The following SPIRE1 variants were observed in gnomAD, a reference collection of about 807,000 sequenced individuals.
SPIRE1 encodes the protein spire type actin nucleation factor 1.
SPIRE1 carries 40 observed loss-of-function variants against 94.1 expected under a neutral mutation model. That is an observed-to-expected ratio of 0.43 (90% confidence interval 0.33 to 0.55). The LOEUF (loss-of-function observed/expected upper bound fraction) is 0.55, where lower values mean the gene tolerates loss of function less well. Among genes scored for constraint, SPIRE1 ranks in the 20% least tolerant of loss-of-function variants. The probability of loss-of-function intolerance (pLI) is 0.06; values close to 1 mark genes in which losing one functional copy is unlikely to be tolerated. For missense variants in SPIRE1, 838 were observed against 975.2 expected, an observed-to-expected ratio of 0.86 and a Z score of 1.87; for synonymous variants, 376 against 371.7, an observed-to-expected ratio of 1.01 and a Z score of -0.13.
intron 2 of SPIRE1, among the ~76,000 whole-genome samples, chr18:12,555,258 A>G (rs2035469251): frequency 6.6e-6 from 1 of 152,066 alleles, no homozygotes; most frequent in African/African-American, 2.4e-5. Flanking sequence ...ACCTAAACAG[A>G]ATCCCTGGCA....
At chr18:12,658,109 GCGCCC>G (rs575232552), upstream of SPIRE1, 606 of 915,548 alleles carry the variant, frequency 6.6e-4, no homozygotes, top group Admixed American at 4.1e-3. Context: ...ATGGCGTCCG[GCGCCC>G]CGCCCCGCCC....
intron 2 of SPIRE1, among the ~76,000 whole-genome samples, chr18:12,590,258 T>G (rs867696772): frequency 6.6e-6 from 1 of 152,146 alleles, no homozygotes; most frequent in African/African-American, 2.4e-5. Context: ...TGGCTCATTT[T>G]TTTGTATTTT....
chr18:12,624,745 T>C (rs868496981), intron 2 of SPIRE1, among the ~76,000 whole-genome samples: 6 of 150,346 alleles, frequency 4.0e-5, no homozygotes, highest in Admixed American at 2.0e-4. Flanking sequence ...TGAGACAGAA[T>C]TGCTTGAACC....
At chr18:12,610,061 T>C (rs1484857393) in intron 2 of SPIRE1, among the ~76,000 whole-genome samples, 4 of 147,310 alleles carry the variant, frequency 2.7e-5, no homozygotes, top group African/African-American at 1.0e-4. Flanking sequence ...TCCCCACCCC[T>C]CCCTCCTCTT....
At chr18:12,475,091 G>A (rs1185542518) in intron 10 of SPIRE1, among the ~76,000 whole-genome samples, 1 of 152,168 alleles carries the variant, frequency 6.6e-6, no homozygotes, top group East Asian at 1.9e-4. Flanking sequence ...AGAGGTTTGA[G>A]TAAGACTGCA....
In SPIRE1 at chr18:12,559,499, C is replaced by T. The variant is rs1304368396; in HGVS notation, c.373-12595G>A. Among the ~76,000 whole-genome samples, 12 of 152,198 alleles carry T rather than the reference C, an allele frequency of 7.9e-5. No individual in the cohort carries two copies. The highest frequency in any genetic ancestry group is 1.7e-4 in the African/African-American group (7 of 41,456). On this transcript the variant is annotated intron_variant, in intron 2 of 16. Coordinates refer to ENST00000409402, the MANE Select transcript of SPIRE1 (RefSeq NM_001128626.2). This position sits in a 1 kb window ranked among gnomAD's most constrained non-coding sequence, Gnocchi z 4.7. ...ACACCTCCCTGCAAGCAGAGGGAGC[C>T]GGCTCCGGCTTTGGCCAGCCCAGAG...
At chr18:12,495,035 G>T in intron 7 of SPIRE1, among the ~76,000 whole-genome samples, 2 of 134,372 alleles carry the variant, frequency 1.5e-5, no homozygotes, top group Admixed American at 7.7e-5. Flanking sequence ...GGGCGACAAA[G>T]TGAGACTCTG....
intron 4 of SPIRE1, among the ~76,000 whole-genome samples, chr18:12,525,332 T>C (rs982127890): frequency 2.0e-5 from 3 of 148,722 alleles, no homozygotes; most frequent in African/African-American, 7.4e-5. Context: ...AAGGCTATTA[T>C]TAAAATTTTA....
chr18:12,653,574 A>G (rs2038439816), intron 1 of SPIRE1: 1 of 152,234 alleles, frequency 6.6e-6, no homozygotes, highest in Non-Finnish European at 1.5e-5. Flanking sequence ...ATTCCACAAC[A>G]CTACTAAGCC....
chr18:12,543,943 T>C (rs768684801), intron 3 of SPIRE1, among the ~76,000 whole-genome samples: 1 of 152,200 alleles, frequency 6.6e-6, no homozygotes, highest in Non-Finnish European at 1.5e-5. Flanking sequence ...TGAGGAATCA[T>C]GGGTTTTATA....
At chr18:12,594,620 G>C (rs543824404) in intron 2 of SPIRE1, among the ~76,000 whole-genome samples, 1 of 152,246 alleles carries the variant, frequency 6.6e-6, no homozygotes, top group South Asian at 2.1e-4. Flanking sequence ...GGGGAATGGG[G>C]TTGCAAGTGA....
At chr18:12,538,586 C>A (rs1036819719) in intron 3 of SPIRE1, among the ~76,000 whole-genome samples, 10 of 152,108 alleles carry the variant, frequency 6.6e-5, no homozygotes, top group African/African-American at 2.2e-4. Context: ...AACCCCTATT[C>A]CAGGCCAGCC....
At chr18:12,563,321 C>T (rs544579781) in intron 2 of SPIRE1, among the ~76,000 whole-genome samples, 1 of 147,204 alleles carries the variant, frequency 6.8e-6, no homozygotes, top group Non-Finnish European at 1.5e-5. Context: ...TTATATTAGT[C>T]TTTTTTTTTT....
chr18:12,512,396 A>T, intron 5 of SPIRE1, 58 bp downstream of exon 5: 1 of 1,343,944 alleles, frequency 7.4e-7, no homozygotes, highest in Non-Finnish European at 1.0e-6. Context: ...CAAAAAAAAA[A>T]AAAAATTATA....
At chr18:12,518,057 G>A (rs2034248079) in intron 4 of SPIRE1, among the ~76,000 whole-genome samples, 1 of 152,156 alleles carries the variant, frequency 6.6e-6, no homozygotes, top group South Asian at 2.1e-4. Flanking sequence ...CTGTTGACCA[G>A]GCTGGAGCAG....
intron 2 of SPIRE1, among the ~76,000 whole-genome samples, chr18:12,622,898 T>C (rs958164138): frequency 2.0e-5 from 3 of 152,218 alleles, no homozygotes; most frequent in Non-Finnish European, 4.4e-5. Context: ...CCTGGAAAGT[T>C]CCACTGGATT....
chr18:12,645,105 GA>G (rs5823231), intron 1 of SPIRE1, among the ~76,000 whole-genome samples: 65 of 145,708 alleles, frequency 4.5e-4, no homozygotes, highest in Middle Eastern at 7.0e-3. Flanking sequence ...AAGAATAAAA[GA>G]AAAAAAAAAA....
At chr18:12,461,664 G>A (rs2031868930) in intron 12 of SPIRE1, among the ~76,000 whole-genome samples, 1 of 149,392 alleles carries the variant, frequency 6.7e-6, no homozygotes, top group African/African-American at 2.5e-5. Context: ...GTCTTGCTGT[G>A]TCATCTACGC....
intron 8 of SPIRE1, among the ~76,000 whole-genome samples, chr18:12,487,041 C>T (rs958070626): frequency 1.3e-5 from 2 of 152,002 alleles, no homozygotes; most frequent in South Asian, 2.1e-4. Context: ...TTAGTAGAGA[C>T]GGGGTTTTGC....
Sources: allele counts gnomAD v4.1 joint callset (sites outside exome capture counted in the v4.1 genomes callset), GRCh38; gene constraint gnomAD v4.1.1; non-coding constraint Gnocchi (gnomAD v3.1); transcripts MANE v1.5; gene names NCBI Gene and HGNC (gene_info 2026-07-23, HGNC 2026-07-21).